RCAN2: variants seen among roughly 807,000 people sequenced by gnomAD.
The protein encoded by RCAN2 is regulator of calcineurin 2, also known as calcipressin-2.
A neutral mutation model predicts 23.6 loss-of-function variants in RCAN2; 9 were observed. The observed-to-expected ratio is 0.38, with a 90% CI of 0.23 to 0.67. RCAN2 has a LOEUF of 0.67. Among genes scored for constraint, RCAN2 ranks in the 30% least tolerant of loss-of-function variants. The pLI, the probability that RCAN2 is intolerant of heterozygous loss-of-function variation, is 0.51. For synonymous variants in RCAN2, 109 were observed against 115.7 expected (o/e 0.94, Z 0.37); for missense variants, 273 against 302.3 (o/e 0.90, Z 0.72).
intron 2 of RCAN2, among the ~76,000 whole-genome samples, chr6:46,382,316 T>C (rs918315607): frequency 6.6e-6 from 1 of 152,216 alleles, no homozygotes; most frequent in South Asian, 2.1e-4. Context: ...CAGTACCTTG[T>C]ACGTAATAAG....
chr6:46,231,568 C>T (rs1765889031), intron 4 of RCAN2, among the ~76,000 whole-genome samples: 1 of 152,066 alleles, frequency 6.6e-6, no homozygotes, highest in Non-Finnish European at 1.5e-5. Flanking sequence ...CGCCACCGTG[C>T]CTGGCTAATT....
intron 2 of RCAN2, among the ~76,000 whole-genome samples, chr6:46,296,441 C>A (rs1395864196): frequency 6.6e-6 from 1 of 152,010 alleles, no homozygotes; most frequent in South Asian, 2.1e-4. Flanking sequence ...GTAACTGATC[C>A]TTATTATGCC....
intron 2 of RCAN2, among the ~76,000 whole-genome samples, chr6:46,351,607 C>G (rs1403503374): frequency 2.6e-5 from 4 of 152,180 alleles, no homozygotes; most frequent in Non-Finnish European, 5.9e-5. Context: ...CTCTAGTAAA[C>G]AGCACACATC....
chr6:46,402,242 T>A (rs2150403401), intron 2 of RCAN2, among the ~76,000 whole-genome samples: 1 of 152,224 alleles, frequency 6.6e-6, no homozygotes, highest in Middle Eastern at 3.4e-3. Context: ...AATTTGTGTG[T>A]GTGTGTGTTG....
At chr6:46,480,101 C>T (rs922131165) in intron 1 of RCAN2, among the ~76,000 whole-genome samples, 4 of 152,136 alleles carry the variant, frequency 2.6e-5, no homozygotes, top group Admixed American at 2.0e-4. Flanking sequence ...CCCACAAATG[C>T]CTTTACAAAT....
chr6:46,412,345 T>C (rs916424953), intron 2 of RCAN2, among the ~76,000 whole-genome samples: 62 of 152,118 alleles, frequency 4.1e-4, no homozygotes, highest in African/African-American at 1.4e-3. Context: ...CCAACTTATA[T>C]GGGAATGTTC....
intron 2 of RCAN2, among the ~76,000 whole-genome samples, chr6:46,334,865 T>A (rs1764091985): frequency 6.6e-6 from 1 of 152,226 alleles, no homozygotes; most frequent in Non-Finnish European, 1.5e-5. Context: ...CCTGCCTTAA[T>A]TCGTTCTTTA....
At chr6:46,252,416 G>A (rs1357483033) in intron 2 of RCAN2, among the ~76,000 whole-genome samples, 3 of 152,214 alleles carry the variant, frequency 2.0e-5, no homozygotes, top group South Asian at 2.1e-4. Flanking sequence ...AGTTCTCTTT[G>A]TAGCATCCTG....
At chr6:46,353,439 T>A (rs1174629913) in intron 2 of RCAN2, among the ~76,000 whole-genome samples, 1 of 152,146 alleles carries the variant, frequency 6.6e-6, no homozygotes, top group East Asian at 1.9e-4. Flanking sequence ...ATCTGACAGA[T>A]CCTGCACAGA....
At chr6:46,471,658 G>A (rs1001890418) in intron 1 of RCAN2, among the ~76,000 whole-genome samples, 3 of 152,154 alleles carry the variant, frequency 2.0e-5, no homozygotes, top group Admixed American at 2.0e-4. Flanking sequence ...TGAGTTCAGA[G>A]TTCAGGGGAG....
chr6:46,223,113 C>T lies in RCAN2; in HGVS notation c.*28G>A, dbSNP rs201540536. ...GGGAAAAAGCATGATAAAGAGGAGA[C>T]GGCTATTATCGAGAAGGAGCAGGCA... On this transcript the variant is annotated 3_prime_UTR_variant, in exon 5 of 5. Coordinates refer to ENST00000371374, the MANE Select transcript of RCAN2 (RefSeq NM_001251974.2). 578 of 1,609,912 alleles carry T rather than the reference C, an allele frequency of 3.6e-4. 2 individuals are homozygous for T. In the African/African-American group the frequency reaches 5.9e-3, roughly 17 times the overall value.
chr6:46,306,512 G>A (rs889531512), intron 2 of RCAN2, among the ~76,000 whole-genome samples: 8 of 152,186 alleles, frequency 5.3e-5, no homozygotes, highest in Non-Finnish European at 7.4e-5. Context: ...AAGGAGAGAT[G>A]AGGAGGGCAG....
At chr6:46,374,559 C>G (rs1765409595) in intron 2 of RCAN2, among the ~76,000 whole-genome samples, 1 of 152,242 alleles carries the variant, frequency 6.6e-6, no homozygotes, top group South Asian at 2.1e-4. Flanking sequence ...AACGCTTAAC[C>G]ATTTGTAGCC....
chr6:46,264,025 C>T (rs748346153), intron 2 of RCAN2, among the ~76,000 whole-genome samples: 3 of 152,192 alleles, frequency 2.0e-5, no homozygotes, highest in South Asian at 4.1e-4. Flanking sequence ...AAACTGCTCA[C>T]CAGCTTGGAG....
Position 46,221,709 on chromosome 6 carries a change from T to C in RCAN2, c.*1432A>G, listed in dbSNP as rs1288461714. 2 of 385,890 alleles carry C rather than the reference T, an allele frequency of 5.2e-6. No individual in the cohort carries two copies. The highest frequency in any genetic ancestry group is 9.2e-6 in the Non-Finnish European group (2 of 218,162). 23.9% of individuals were successfully genotyped at this position (385,890 alleles called of 1,614,324 possible). ...ATCCCTCAATCTGTTTGCTGTGTTATTGTTCTTGTGTGTTTTTCTGAGGCT... is the reference window on the plus strand; with the variant it reads ...ATCCCTCAATCTGTTTGCTGTGTTACTGTTCTTGTGTGTTTTTCTGAGGCT... On this transcript the variant is annotated 3_prime_UTR_variant, in exon 5 of 5. Coordinates refer to ENST00000371374, the MANE Select transcript of RCAN2 (RefSeq NM_001251974.2).
intron 2 of RCAN2, among the ~76,000 whole-genome samples, chr6:46,383,622 G>A (rs1304629563): frequency 6.6e-6 from 1 of 152,098 alleles, no homozygotes. Flanking sequence ...TATGGCACTA[G>A]CTTTATTTAA....
chr6:46,473,553 T>C (rs560230995), intron 1 of RCAN2, among the ~76,000 whole-genome samples: 1 of 152,296 alleles, frequency 6.6e-6, no homozygotes. Context: ...CAAATGTCAA[T>C]AACAGCACCA....
chr6:46,459,655 A>C (rs1768154966), intron 1 of RCAN2, among the ~76,000 whole-genome samples: 1 of 152,130 alleles, frequency 6.6e-6, no homozygotes, highest in South Asian at 2.1e-4. Context: ...TTCATTACTA[A>C]CTCACCCCAT....
intron 2 of RCAN2, among the ~76,000 whole-genome samples, chr6:46,314,198 C>A (rs1214361370): frequency 6.6e-6 from 1 of 151,774 alleles, no homozygotes; most frequent in Non-Finnish European, 1.5e-5. Context: ...CCCATCTCTA[C>A]TAAAAACACA....
Sources: allele counts gnomAD v4.1 joint callset (sites outside exome capture counted in the v4.1 genomes callset), GRCh38; gene constraint gnomAD v4.1.1; transcripts MANE v1.5; gene names NCBI Gene and HGNC (gene_info 2026-07-23, HGNC 2026-07-21).